The following NT5C3A variants were observed in gnomAD, a reference collection of about 807,000 sequenced individuals.
NT5C3A encodes 5'-nucleotidase, cytosolic IIIA.
NT5C3A carries 23 observed loss-of-function variants against 40.0 expected under a neutral mutation model. That is an observed-to-expected ratio of 0.58 (90% CI 0.41 to 0.81). The LOEUF is 0.81. Ranked by LOEUF, NT5C3A falls within the 40% of genes least tolerant of loss-of-function variation. The pLI is 0.00. For missense variants in NT5C3A, 328 were observed against 403.0 expected (o/e 0.81, Z 1.59); for synonymous variants, 130 against 141.4 (o/e 0.92, Z 0.57).
At position 33,017,456 on chromosome 7, in the gene NT5C3A, T is replaced by A. The variant is rs747642415; in HGVS notation, c.676A>T (p.Met226Leu). The change falls in exon 7 of 9, where the codon ATG (methionine) becomes TTG (leucine). Residue 226 changes from methionine to leucine, a missense_variant. Transcript: ENST00000610140. ...ATTCTTACAGTTTCATCAAAATCCA[T>A]AAAATTGGACACAACTTTGACATTG... ...HPNVKVVSNF[M>L]DFDETGVLKG... The A allele has an allele frequency of 1.9e-6, 3 of 1,611,456 alleles. No homozygotes were observed. The highest frequency in any genetic ancestry group is 2.5e-6 in the Non-Finnish European group (3 of 1,177,800).
chr7:33,033,247 G>A (rs1363339832), intron 1 of NT5C3A, among the ~76,000 whole-genome samples: 4 of 152,190 alleles, frequency 2.6e-5, no homozygotes, highest in African/African-American at 4.8e-5. Flanking sequence ...AGGCACTAGA[G>A]TTTTTATCCA....
At chr7:33,035,023 C>T (rs938520381) in intron 1 of NT5C3A, among the ~76,000 whole-genome samples, 7 of 70,098 alleles carry the variant, frequency 1.0e-4, no homozygotes, top group South Asian at 3.6e-4. Context: ...CACTCACTAA[C>T]GTAATAGAGT....
chr7:33,022,369 T>C (rs1338216607), intron 3 of NT5C3A, among the ~76,000 whole-genome samples: 3 of 152,234 alleles, frequency 2.0e-5, no homozygotes, highest in African/African-American at 7.2e-5. Context: ...CAATTCAATA[T>C]CTTCAAATAC....
chr7:33,021,405 T>A lies in NT5C3A; in HGVS notation c.355-48A>T, dbSNP rs184779513. 6.1e-4 allele frequency: 968 copies of A among 1,595,344 alleles called. 5 individuals are homozygous for A. In the African/African-American group the frequency reaches 0.012, roughly 20 times the overall value. Reference sequence around the variant, plus strand: ...ATCATGAAGATTACTTGAAAATAAATCTGCTTGGTTTTATAGAAAGCAAAA... The same window carrying A: ...ATCATGAAGATTACTTGAAAATAAAACTGCTTGGTTTTATAGAAAGCAAAA... On this transcript the variant is annotated intron_variant, in intron 4 of 8. Transcript: ENST00000610140.
At chr7:33,050,792 T>C (rs1787333022) in intron 1 of NT5C3A, among the ~76,000 whole-genome samples, 1 of 152,218 alleles carries the variant, frequency 6.6e-6, no homozygotes, top group Non-Finnish European at 1.5e-5. Flanking sequence ...GAAAGTTGTC[T>C]TACTTGGTTT....
intron 1 of NT5C3A, among the ~76,000 whole-genome samples, chr7:33,039,749 A>G (rs980682601): frequency 1.3e-5 from 2 of 151,998 alleles, no homozygotes; most frequent in Admixed American, 6.6e-5. Flanking sequence ...CTTTCTCAAT[A>G]CAGGCATAAA....
chr7:33,034,872 G>C lies in NT5C3A; in HGVS notation c.139-7957C>G, dbSNP rs550705503. On this transcript the variant is annotated intron_variant, in intron 1 of 8. Coordinates refer to ENST00000610140, the MANE Select transcript of NT5C3A (RefSeq NM_001002010.5). ...TAATAAGAACACAAAGAGAAAACAA[G>C]AGATCATGAGGCAGTTGTTCTCTTT... Among the ~76,000 whole-genome samples, 33 of 152,296 alleles carry C rather than the reference G, an allele frequency of 2.2e-4. 1 individual carries two copies. In the South Asian group the frequency reaches 5.2e-3, roughly 24 times the overall value.
intron 1 of NT5C3A, among the ~76,000 whole-genome samples, chr7:33,035,493 G>A (rs1786548874): frequency 1.3e-5 from 2 of 152,052 alleles, no homozygotes; most frequent in African/African-American, 4.8e-5. Flanking sequence ...AATGAGTTAA[G>A]ATACGAAGCC....
At chr7:33,036,872 C>T (rs1050975434) in intron 1 of NT5C3A, among the ~76,000 whole-genome samples, 2 of 151,880 alleles carry the variant, frequency 1.3e-5, no homozygotes, top group Non-Finnish European at 2.9e-5. Flanking sequence ...AGTGCAGTGG[C>T]ATGATCTCAG....
At chr7:33,056,965 C>A (rs1787595146) in intron 1 of NT5C3A, among the ~76,000 whole-genome samples, 1 of 152,082 alleles carries the variant, frequency 6.6e-6, no homozygotes, top group African/African-American at 2.4e-5. Context: ...GCATGTGCCA[C>A]CATGCCCGGC....
chr7:33,050,186 T>G lies in NT5C3A; in HGVS notation c.138+12382A>C, dbSNP rs576925349. Reference sequence around the variant, plus strand: ...GTGTTTTAAGGACTAAATAAATGCGTAGAGTATACTTGGTCAACGTAGGCA... The same window carrying G: ...GTGTTTTAAGGACTAAATAAATGCGGAGAGTATACTTGGTCAACGTAGGCA... On this transcript the variant is annotated intron_variant, in intron 1 of 8. Transcript: ENST00000610140. 1.6e-4 allele frequency among the ~76,000 whole-genome samples: 24 copies of G among 152,206 alleles called. No individual in the cohort carries two copies. In the South Asian group the frequency reaches 4.6e-3, roughly 29 times the overall value.
intron 1 of NT5C3A, among the ~76,000 whole-genome samples, chr7:33,047,947 G>C (rs1262855841): frequency 6.6e-6 from 1 of 151,728 alleles, no homozygotes; most frequent in African/African-American, 2.4e-5. Context: ...AGCCTCTCAA[G>C]TAGCTGGAAC....
intron 5 of NT5C3A, among the ~76,000 whole-genome samples, chr7:33,020,513 A>G (rs1785567308): frequency 6.6e-6 from 1 of 152,154 alleles, no homozygotes. Flanking sequence ...GTCTAGTTCC[A>G]GTTCTGCTGC....
intron 1 of NT5C3A, chr7:33,029,587 A>C (rs1022798589): frequency 1.8e-6 from 2 of 1,137,108 alleles, no homozygotes; most frequent in African/African-American, 3.2e-5. Flanking sequence ...TTTTCACCAA[A>C]AAAATTAAAT....
chr7:33,055,072 C>T (rs1264914005), intron 1 of NT5C3A, among the ~76,000 whole-genome samples: 4 of 152,156 alleles, frequency 2.6e-5, no homozygotes, highest in African/African-American at 9.7e-5. Flanking sequence ...CACCTGTAAT[C>T]CCAGCATTTT....
At chr7:33,041,125 A>C in intron 1 of NT5C3A, 1 of 985,262 alleles carries the variant, frequency 1.0e-6, no homozygotes, top group Non-Finnish European at 1.2e-6. Context: ...GAGAAGGTAA[A>C]TCTGTACTAT....
intron 1 of NT5C3A, among the ~76,000 whole-genome samples, chr7:33,031,620 T>C (rs535738789): frequency 5.9e-5 from 9 of 152,032 alleles, no homozygotes; most frequent in Non-Finnish European, 1.2e-4. Context: ...AGATTTTGTA[T>C]TAAAAAACAC....
At chr7:33,058,155 G>T (rs1401368972) in intron 1 of NT5C3A, among the ~76,000 whole-genome samples, 1 of 151,950 alleles carries the variant, frequency 6.6e-6, no homozygotes, top group Non-Finnish European at 1.5e-5. Flanking sequence ...AATTAGAAAA[G>T]AAGTCGGTAT....
At chr7:33,024,573 TAAAG>T (rs1785814941) in intron 2 of NT5C3A, among the ~76,000 whole-genome samples, 1 of 152,122 alleles carries the variant, frequency 6.6e-6, no homozygotes, top group African/African-American at 2.4e-5. Flanking sequence ...GTTGGTGAGA[TAAAG>T]AACAGCTGGT....
Sources: gnomAD v4.1 joint callset for allele counts (sites outside exome capture counted in the v4.1 genomes callset) on GRCh38, gnomAD v4.1.1 for gene constraint, MANE v1.5 for transcripts, NCBI Gene and HGNC (gene_info 2026-07-23, HGNC 2026-07-21) for gene names.